Variants in LOC128462377 observed in about 807,000 individuals in gnomAD.
the LOC128462377 span, among the ~76,000 whole-genome samples, chr16:89,374,501 T>C: frequency 6.6e-6 from 1 of 152,224 alleles, no homozygotes. Flanking sequence ...TGTCAAGCCC[T>C]GCTCTGTGAG....
chr16:89,369,101 A>G, the LOC128462377 span, among the ~76,000 whole-genome samples: 1 of 152,026 alleles, frequency 6.6e-6, no homozygotes, highest in Admixed American at 6.6e-5. Context: ...CATCACTACC[A>G]AGCTCTGGCC....
At chr16:89,366,059 G>A in the LOC128462377 span, among the ~76,000 whole-genome samples, 52 of 151,062 alleles carry the variant, frequency 3.4e-4, no homozygotes, top group African/African-American at 1.3e-3. Context: ...GAACCTGGAA[G>A]GTGGAGGTTG....
At chr16:89,330,899 T>C in the LOC128462377 span, among the ~76,000 whole-genome samples, 3 of 152,206 alleles carry the variant, frequency 2.0e-5, no homozygotes, top group African/African-American at 7.2e-5. Flanking sequence ...CAGTTCTAGT[T>C]AGTGCCATAT....
chr16:89,317,441 A>T, the LOC128462377 span, among the ~76,000 whole-genome samples: 2 of 152,226 alleles, frequency 1.3e-5, no homozygotes, highest in African/African-American at 4.8e-5. Context: ...ACCACAAGGC[A>T]GTCCCTTCCC....
chr16:89,386,580 C>T, the LOC128462377 span, among the ~76,000 whole-genome samples: 3 of 152,176 alleles, frequency 2.0e-5, no homozygotes, highest in African/African-American at 4.8e-5. Context: ...GCAAGATGCC[C>T]GCGGGGAGGA....
the LOC128462377 span, among the ~76,000 whole-genome samples, chr16:89,330,861 T>C: frequency 3.9e-5 from 6 of 152,196 alleles, no homozygotes; most frequent in African/African-American, 7.2e-5. Flanking sequence ...CCAGTGGCTT[T>C]TGATTAAAAC....
chr16:89,354,079 G>A, the LOC128462377 span, among the ~76,000 whole-genome samples: 1 of 152,146 alleles, frequency 6.6e-6, no homozygotes, highest in East Asian at 1.9e-4. Flanking sequence ...CCGCCCAACA[G>A]TCCCATGCCT....
At chr16:89,318,087 G>A in the LOC128462377 span, among the ~76,000 whole-genome samples, 3 of 152,124 alleles carry the variant, frequency 2.0e-5, no homozygotes, top group Admixed American at 6.5e-5. Context: ...GGCCTTCCCC[G>A]AGCCCCTGCT....
the LOC128462377 span, chr16:89,324,360 G>T: frequency 1.0e-6 from 1 of 981,844 alleles, no homozygotes; most frequent in Non-Finnish European, 1.4e-6. Flanking sequence ...GAGGGAAAAA[G>T]CCAGGAGGGC....
At chr16:89,345,013 G>A in the LOC128462377 span, among the ~76,000 whole-genome samples, 1 of 152,186 alleles carries the variant, frequency 6.6e-6, no homozygotes, top group Non-Finnish European at 1.5e-5. Context: ...CGCAGATGAG[G>A]CAGGAGGAAC....
chr16:89,384,462 G>A, the LOC128462377 span, among the ~76,000 whole-genome samples: 1 of 152,062 alleles, frequency 6.6e-6, no homozygotes, highest in African/African-American at 2.4e-5. Context: ...GGGATGAAAT[G>A]GGACAGGACA....
chr16:89,376,350 C>T, the LOC128462377 span, among the ~76,000 whole-genome samples: 1 of 152,224 alleles, frequency 6.6e-6, no homozygotes, highest in Non-Finnish European at 1.5e-5. Context: ...ACAGGAGAAG[C>T]AGCTTCTGCC....
At chr16:89,317,959 C>T in the LOC128462377 span, among the ~76,000 whole-genome samples, 4 of 152,136 alleles carry the variant, frequency 2.6e-5, no homozygotes, top group African/African-American at 9.7e-5. Context: ...GTAAAGGAAA[C>T]TAGAAAGTGT....
At chr16:89,368,184 T>A in the LOC128462377 span, among the ~76,000 whole-genome samples, 8 of 151,848 alleles carry the variant, frequency 5.3e-5, no homozygotes, top group Non-Finnish European at 1.2e-4. Flanking sequence ...CTCTGTCCAC[T>A]CTTAACATGT....
the LOC128462377 span, among the ~76,000 whole-genome samples, chr16:89,391,027 G>A: frequency 6.6e-6 from 1 of 152,060 alleles, no homozygotes; most frequent in Non-Finnish European, 1.5e-5. Flanking sequence ...AGGAGATCGA[G>A]ACCATCCTGG....
the LOC128462377 span, among the ~76,000 whole-genome samples, chr16:89,353,332 A>C: frequency 2.0e-5 from 3 of 151,144 alleles, no homozygotes; most frequent in East Asian, 5.9e-4. Context: ...ACAGAGTGAG[A>C]CTCCAACTCC....
the LOC128462377 span, among the ~76,000 whole-genome samples, chr16:89,382,796 C>T: frequency 0.021 from 3,222 of 152,242 alleles, 127 homozygotes; most frequent in African/African-American, 0.074. Context: ...AAACGTTTAA[C>T]CACCACCTTG....
the LOC128462377 span, among the ~76,000 whole-genome samples, chr16:89,346,079 TAAC>T: frequency 6.7e-6 from 1 of 149,762 alleles, no homozygotes; most frequent in Non-Finnish European, 1.5e-5. Flanking sequence ...CTGTCTCCAC[TAAC>T]AACACAAAAA....
At chr16:89,405,728 G>T in the LOC128462377 span, among the ~76,000 whole-genome samples, 3 of 152,024 alleles carry the variant, frequency 2.0e-5, no homozygotes, top group African/African-American at 7.2e-5. Context: ...CGTCCTCAAG[G>T]CCTGTCCACG....
Sources: allele counts gnomAD v4.1 joint callset (sites outside exome capture counted in the v4.1 genomes callset), GRCh38; gene constraint gnomAD v4.1.1; transcripts MANE v1.5.